The following L2HGDH variants were observed in gnomAD, a reference collection of about 807,000 sequenced individuals.
L2HGDH encodes L-2-hydroxyglutarate dehydrogenase, mitochondrial.
A neutral mutation model predicts 51.5 loss-of-function variants in L2HGDH; 34 were observed. The ratio of observed to expected loss-of-function variants is 0.66; its 90% CI spans 0.50 to 0.88. The LOEUF (loss-of-function observed/expected upper bound fraction) is 0.88, where lower values mean the gene tolerates loss of function less well. Among genes scored for constraint, L2HGDH ranks in the 40% least tolerant of loss-of-function variants. The probability of loss-of-function intolerance (pLI) is 0.00; values close to 1 mark genes in which losing one functional copy is unlikely to be tolerated. For missense variants in L2HGDH, 558 were observed against 571.9 expected (o/e 0.98, Z 0.25); for synonymous variants, 198 against 197.9 (o/e 1.00, Z -0.01).
chr14:50,247,128 G>A lies in L2HGDH; in HGVS notation c.1322C>T (p.Pro441Leu). ...RILHVRNAPS[P>L]AATSSIAISG... ...AATTGCAATGGAAGAAGTAGCAGCAGGAGAAGGTGCATTTCTCACATGAAG... is the reference window on the plus strand; with the variant it reads ...AATTGCAATGGAAGAAGTAGCAGCAAGAGAAGGTGCATTTCTCACATGAAG... Residue 441 changes from proline to leucine, a missense_variant, in exon 10 of 10, where the codon CCT (proline) becomes CTT (leucine). Pro to Leu is a moderately conservative substitution (Grantham distance 98). Coordinates refer to ENST00000267436, the MANE Select transcript of L2HGDH (RefSeq NM_024884.3). The A allele has an allele frequency of 6.2e-7, 1 of 1,614,064 alleles. No individual in the cohort carries two copies.
At position 50,302,974 on chromosome 14, in the gene L2HGDH, C is replaced by T. The variant is rs1276381557; in HGVS notation, c.184G>A (p.Ala62Thr). The change falls in exon 2 of 10, where the codon GCC becomes ACC. Residue 62 changes from alanine (A) to threonine (T), a missense_variant. By Grantham distance (58) the Ala-to-Thr change is moderately conservative. This residue lies in a region of L2HGDH where 194 missense variants were observed against 187.2 expected (regional missense o/e 1.04). Transcript: ENST00000267436. ...CGCAGGATGAGTGCTCTGGCAGAGG[C>T]AAGCCCCACAATTCCGCCACCAACG... is the stretch of plus-strand genomic sequence containing the variant. ...VIVGGGIVGL[A>T]SARALILRHP... 1 of 1,613,922 alleles carries T rather than the reference C, an allele frequency of 6.2e-7. No homozygotes were observed. The highest frequency in any genetic ancestry group is 1.7e-5 in the Admixed American group (1 of 60,024).
chr14:50,287,898 G>A (rs764719538), intron 4 of L2HGDH, among the ~76,000 whole-genome samples: 5 of 151,568 alleles, frequency 3.3e-5, no homozygotes, highest in African/African-American at 9.7e-5. Flanking sequence ...GGGTTTAACC[G>A]TGTTTGCCAG....
Position 50,309,688 on chromosome 14 carries a change from CT to C in L2HGDH, c.140+2322del, listed in dbSNP as rs11375607. 4.6e-3 allele frequency among the ~76,000 whole-genome samples: 654 copies of C among 142,592 alleles called. 5 individuals are homozygous for C. Among genetic ancestry groups the C allele is most frequent in the African/African-American group, 0.013 (510 of 38,680 alleles). The allele number at this position is 142,592 out of a possible 152,430, so 93.5% of individuals were successfully genotyped here. Reference sequence around the variant, plus strand: ...GGCAATAGAATATTTTTATACCACCCTTTTTTTTTTTTTTAAGAGAGTCTTG... The same window carrying C: ...GGCAATAGAATATTTTTATACCACCCTTTTTTTTTTTTTAAGAGAGTCTTG... On this transcript the variant is annotated intron_variant, in intron 1 of 9. Transcript: ENST00000267436.
chr14:50,296,506 T>C (rs756942671), intron 3 of L2HGDH, among the ~76,000 whole-genome samples: 2 of 150,344 alleles, frequency 1.3e-5, no homozygotes, highest in Non-Finnish European at 3.0e-5. Flanking sequence ...GAACAAATTA[T>C]TAGAAAGACA....
intron 9 of L2HGDH, among the ~76,000 whole-genome samples, chr14:50,260,435 T>C (rs907454678): frequency 6.6e-6 from 1 of 152,200 alleles, no homozygotes. Flanking sequence ...ACTAAGCATT[T>C]AAGATCTACA....
intron 9 of L2HGDH, among the ~76,000 whole-genome samples, chr14:50,262,281 T>C (rs945160830): frequency 2.2e-4 from 33 of 151,764 alleles, no homozygotes; most frequent in Non-Finnish European, 2.5e-4. Context: ...AATACAAAAA[T>C]TAGCTGGGCA....
chr14:50,309,845 G>A (rs964430691), intron 1 of L2HGDH, among the ~76,000 whole-genome samples: 8 of 151,968 alleles, frequency 5.3e-5, no homozygotes, highest in African/African-American at 1.7e-4. Flanking sequence ...ACCACACCTG[G>A]CTAATTATTT....
At chr14:50,301,143 G>A (rs1466596719) in intron 3 of L2HGDH, among the ~76,000 whole-genome samples, 1 of 152,184 alleles carries the variant, frequency 6.6e-6, no homozygotes, top group Non-Finnish European at 1.5e-5. Flanking sequence ...CTTCCACTAG[G>A]ATGGCTAAAA....
At chr14:50,257,628 C>G (rs1035080590) in intron 9 of L2HGDH, among the ~76,000 whole-genome samples, 5 of 152,046 alleles carry the variant, frequency 3.3e-5, no homozygotes, top group Admixed American at 3.3e-4. Flanking sequence ...ACGTTGGCCT[C>G]CCAAAGTTCT....
At position 50,245,195 on chromosome 14, in the gene L2HGDH, C is replaced by T. The variant is rs942248170; in HGVS notation, c.*1863G>A. The T allele has an allele frequency of 1.3e-5, 13 of 985,244 alleles. No homozygotes were observed. In the African/African-American group the frequency reaches 2.1e-4, roughly 16 times the overall value. The allele number at this position is 985,244 out of a possible 1,614,324, so 61.0% of individuals were successfully genotyped here. ...CAAGTTTATAGGAGCCCTGAAAAATCAAGTACGTATGAATCATTACCAATC... is the reference window on the plus strand; with the variant it reads ...CAAGTTTATAGGAGCCCTGAAAAATTAAGTACGTATGAATCATTACCAATC... On this transcript the variant is annotated 3_prime_UTR_variant, in exon 10 of 10. Coordinates refer to ENST00000267436, the MANE Select transcript of L2HGDH (RefSeq NM_024884.3).
At chr14:50,252,044 A>C (rs918941842) in intron 9 of L2HGDH, among the ~76,000 whole-genome samples, 1 of 151,954 alleles carries the variant, frequency 6.6e-6, no homozygotes, top group Non-Finnish European at 1.5e-5. Flanking sequence ...ACCAATCAAA[A>C]ATAGTAACTA....
At chr14:50,294,301 T>C (rs999881574) in intron 3 of L2HGDH, 55 bp from the exon 4 acceptor site, 7 of 1,571,656 alleles carry the variant, frequency 4.5e-6, no homozygotes, top group Non-Finnish European at 6.1e-6. Context: ...TCATCAGCGA[T>C]GAAAGATAAA....
intron 6 of L2HGDH, among the ~76,000 whole-genome samples, chr14:50,277,195 TG>T: frequency 7.0e-6 from 1 of 142,478 alleles, no homozygotes; most frequent in East Asian, 2.3e-4. Flanking sequence ...TAAAGTAGAC[TG>T]TTTTTTTTTT....
intron 1 of L2HGDH, among the ~76,000 whole-genome samples, chr14:50,309,172 C>T (rs2030905886): frequency 6.6e-6 from 1 of 152,148 alleles, no homozygotes; most frequent in East Asian, 1.9e-4. Context: ...TCCATTTTGT[C>T]AATTTTTTTC....
intron 4 of L2HGDH, among the ~76,000 whole-genome samples, chr14:50,286,502 T>C (rs1469803746): frequency 2.0e-5 from 3 of 152,220 alleles, no homozygotes; most frequent in Admixed American, 6.5e-5. Flanking sequence ...TAAACTTCTT[T>C]CTGGGTGGCC....
At chr14:50,309,525 G>A (rs938742792) in intron 1 of L2HGDH, among the ~76,000 whole-genome samples, 4 of 150,354 alleles carry the variant, frequency 2.7e-5, no homozygotes, top group Admixed American at 6.6e-5. Flanking sequence ...TCATGCCACT[G>A]TACTCCAGCC....
chr14:50,275,879 A>T (rs1889952671), intron 6 of L2HGDH, among the ~76,000 whole-genome samples: 1 of 152,196 alleles, frequency 6.6e-6, no homozygotes, highest in African/African-American at 2.4e-5. Flanking sequence ...CAACTTCGCT[A>T]TTATGATCTA....
chr14:50,271,615 A>G (rs113465956), intron 6 of L2HGDH, among the ~76,000 whole-genome samples: 2 of 152,074 alleles, frequency 1.3e-5, no homozygotes, highest in African/African-American at 4.8e-5. Flanking sequence ...CCAAAGTGGG[A>G]GGATCACTTG....
Position 50,244,784 on chromosome 14 carries a change from T to C in L2HGDH, c.*2274A>G. Reference sequence around the variant, plus strand: ...AAAAGGAAGAAAACAGAAACATTTTTCCTATCAACCAAAATGCACATCCTT... The same window carrying C: ...AAAAGGAAGAAAACAGAAACATTTTCCCTATCAACCAAAATGCACATCCTT... On this transcript the variant is annotated 3_prime_UTR_variant, in exon 10 of 10. Transcript: ENST00000267436. 2.0e-6 allele frequency: 2 copies of C among 985,406 alleles called. No individual in the cohort carries two copies. The highest frequency in any genetic ancestry group is 2.4e-6 in the Non-Finnish European group (2 of 829,914). 61.0% of individuals were successfully genotyped at this position (985,406 alleles called of 1,614,324 possible).
Sources: gnomAD v4.1 joint callset for allele counts (sites outside exome capture counted in the v4.1 genomes callset) on GRCh38, gnomAD v4.1.1 for gene constraint, gnomAD v4.1.1 regional missense constraint, MANE v1.5 for transcripts, NCBI Gene and HGNC (gene_info 2026-07-23, HGNC 2026-07-21) for gene names.